RMND5A: variants seen among roughly 807,000 people sequenced by gnomAD.
The protein encoded by RMND5A is E3 ubiquitin-protein transferase RMND5A.
A neutral mutation model predicts 49.7 loss-of-function variants in RMND5A; 17 were observed. The ratio of observed to expected loss-of-function variants is 0.34; its 90% CI spans 0.23 to 0.51. The LOEUF (loss-of-function observed/expected upper bound fraction) is 0.51, where lower values mean the gene tolerates loss of function less well. Ranked by LOEUF, RMND5A falls within the 20% of genes least tolerant of loss-of-function variation. The pLI is 0.96. For synonymous variants in RMND5A, 156 were observed against 167.7 expected (o/e 0.93, Z 0.54); for missense variants, 255 against 471.3 (o/e 0.54, Z 4.25).
At position 86,777,002 on chromosome 2, in the gene RMND5A, T is replaced by G. The variant is rs1242498301; in HGVS notation, c.*3591T>G. On this transcript the variant is annotated 3_prime_UTR_variant, in exon 9 of 9. Coordinates refer to ENST00000283632, the MANE Select transcript of RMND5A (RefSeq NM_022780.4). ...AGCAGGTACAAGCTTCATGAACCGTTCTTAATGAACTATAATTGAATAGAT... is the reference window on the plus strand; with the variant it reads ...AGCAGGTACAAGCTTCATGAACCGTGCTTAATGAACTATAATTGAATAGAT... 1 of 152,204 alleles carries G rather than the reference T, an allele frequency of 6.6e-6. No homozygotes were observed. Among genetic ancestry groups the G allele is most frequent in the Non-Finnish European group, 1.5e-5 (1 of 68,036 alleles). The allele number at this position is 152,204 out of a possible 1,614,324, so 9.4% of individuals were successfully genotyped here.
At chr2:86,765,214 T>TAA (rs3840984) in intron 5 of RMND5A, 21 bp downstream of exon 5, 1,087,689 of 1,595,592 alleles carry the variant, frequency 0.68, 373,373 homozygotes, top group East Asian at 0.91. Flanking sequence ...AGTCAGATGT[T>TAA]ATTAATGTTT....
intron 8 of RMND5A, among the ~76,000 whole-genome samples, chr2:86,772,664 A>G (rs535469423): frequency 6.6e-6 from 1 of 150,536 alleles, no homozygotes; most frequent in Non-Finnish European, 1.5e-5. Flanking sequence ...GTGCTGTCTC[A>G]GCTCACTGCA....
intron 4 of RMND5A, among the ~76,000 whole-genome samples, chr2:86,762,067 C>T (rs143033259): frequency 3.9e-5 from 6 of 152,244 alleles, no homozygotes; most frequent in South Asian, 4.1e-4. Flanking sequence ...TTTACTTTTA[C>T]ATTAGCTTAA....
rs1392513707 is a variant in RMND5A, at chr2:86,720,638, G to A, written c.-30G>A. On this transcript the variant is annotated 5_prime_UTR_variant, in exon 1 of 9. Transcript: ENST00000283632. ...GCCGAACGGCTGCGGACACCTGGGC[G>A]CCGAGGAGCCGAGCGCCGCCGCCTC... The A allele has an allele frequency of 2.6e-5, 40 of 1,518,622 alleles. No individual in the cohort carries two copies. Among genetic ancestry groups the A allele is most frequent in the Non-Finnish European group, 3.3e-5 (38 of 1,136,912 alleles). The allele number at this position is 1,518,622 out of a possible 1,614,324, so 94.1% of individuals were successfully genotyped here.
At chr2:86,763,499 G>A (rs116591410) in intron 4 of RMND5A, among the ~76,000 whole-genome samples, 423 of 152,282 alleles carry the variant, frequency 2.8e-3, no homozygotes, top group Middle Eastern at 0.01. Context: ...TTGCTGGTTG[G>A]CCAGGCACGG....
intron 4 of RMND5A, among the ~76,000 whole-genome samples, chr2:86,762,970 G>GC (rs1672528743): frequency 6.6e-6 from 1 of 151,552 alleles, no homozygotes. Context: ...AGCCTGGGAG[G>GC]CGGAGGTTGC....
chr2:86,752,121 C>G, intron 3 of RMND5A, 91 bp downstream of exon 3: 1 of 1,141,276 alleles, frequency 8.8e-7, no homozygotes. Flanking sequence ...TTGAGTCTTC[C>G]TCTAGCTATA....
At chr2:86,747,742 G>A (rs1010252382) in intron 2 of RMND5A, among the ~76,000 whole-genome samples, 6 of 152,136 alleles carry the variant, frequency 3.9e-5, no homozygotes, top group African/African-American at 1.4e-4. Flanking sequence ...TTTGAGAAAC[G>A]GATGGGTTTT....
rs560011305 is a variant in RMND5A at position 86,742,938 on chromosome 2, A to T, written c.285+1869A>T. ...TATAATTCTAGTGTGTGGGCTACTG[A>T]CCAGGATCTGGAGCAGTTGGGCAAA... On this transcript the variant is annotated intron_variant, in intron 2 of 8. Transcript: ENST00000283632. Among the ~76,000 whole-genome samples the T allele has an allele frequency of 4.0e-3, 614 of 152,170 alleles. 6 individuals carry two copies. Among genetic ancestry groups the T allele is most frequent in the Non-Finnish European group, 4.3e-3 (295 of 68,008 alleles).
intron 4 of RMND5A, among the ~76,000 whole-genome samples, chr2:86,756,228 C>CA (rs1475095393): frequency 2.0e-5 from 3 of 151,682 alleles, no homozygotes; most frequent in Admixed American, 6.6e-5. Context: ...CCTATCTCTA[C>CA]AAAAAAATAG....
At chr2:86,721,150 C>A (rs980365994) in intron 1 of RMND5A, 33 of 253,636 alleles carry the variant, frequency 1.3e-4, no homozygotes, top group African/African-American at 7.0e-4. Context: ...CGCTCCCAGC[C>A]GGCCCCGGGA....
At chr2:86,735,126 A>G (rs1392584552) in intron 1 of RMND5A, among the ~76,000 whole-genome samples, 1 of 152,158 alleles carries the variant, frequency 6.6e-6, no homozygotes, top group Non-Finnish European at 1.5e-5. Flanking sequence ...TTATCCATTC[A>G]TTCTTTGGAG....
chr2:86,767,571 T>G (rs1672622982), intron 6 of RMND5A, among the ~76,000 whole-genome samples: 1 of 152,132 alleles, frequency 6.6e-6, no homozygotes, highest in South Asian at 2.1e-4. Flanking sequence ...GTGTGCCACA[T>G]CACCCAGCCA....
intron 6 of RMND5A, among the ~76,000 whole-genome samples, chr2:86,769,071 G>A (rs908316413): frequency 2.0e-5 from 3 of 152,094 alleles, no homozygotes. Flanking sequence ...CTCAGTAGCT[G>A]GGACTCTAGG....
intron 7 of RMND5A, 91 bp from the exon 8 acceptor site, chr2:86,771,467 A>G: frequency 9.0e-7 from 1 of 1,113,398 alleles, no homozygotes; most frequent in South Asian, 1.7e-5. Context: ...AGATCTGATC[A>G]ATGTTCTTTG....
At chr2:86,773,178 T>A (rs1672711183) in intron 8 of RMND5A, among the ~76,000 whole-genome samples, 170 bp from the exon 9 acceptor site, 1 of 152,176 alleles carries the variant, frequency 6.6e-6, no homozygotes, top group Admixed American at 6.5e-5. Flanking sequence ...ATCTTGGCAG[T>A]TATATTAAGG....
chr2:86,749,183 T>C (rs116836182), intron 2 of RMND5A, among the ~76,000 whole-genome samples: 262 of 152,332 alleles, frequency 1.7e-3, no homozygotes, highest in African/African-American at 5.8e-3. Flanking sequence ...GTTGTAGTTG[T>C]CATAGACAGC....
chr2:86,774,082 A>G lies in RMND5A; in HGVS notation c.*671A>G, dbSNP rs1468782906. 2.6e-5 allele frequency: 4 copies of G among 152,686 alleles called. No homozygotes were observed. Among genetic ancestry groups the G allele is most frequent in the African/African-American group, 9.6e-5 (4 of 41,472 alleles). 9.5% of individuals were successfully genotyped at this position (152,686 alleles called of 1,614,324 possible). A position where few individuals can be genotyped will look rare whatever the true frequency, so the allele number is the denominator to read the frequency against. On this transcript the variant is annotated 3_prime_UTR_variant, in exon 9 of 9. Coordinates refer to ENST00000283632, the MANE Select transcript of RMND5A (RefSeq NM_022780.4). ...CTGGTGTGAGAAGTCTTCCGTTAGC[A>G]TAGAGTGGAAGGAGTACTATTGTTT...
At chr2:86,740,704 C>G (rs542862550) in intron 1 of RMND5A, among the ~76,000 whole-genome samples, 2 of 149,846 alleles carry the variant, frequency 1.3e-5, no homozygotes, top group South Asian at 2.1e-4. Flanking sequence ...AAAAATGATT[C>G]CTTTCACAGT....
Sources: allele counts gnomAD v4.1 joint callset (sites outside exome capture counted in the v4.1 genomes callset), GRCh38; gene constraint gnomAD v4.1.1; transcripts MANE v1.5; gene names NCBI Gene and HGNC (gene_info 2026-07-23, HGNC 2026-07-21).